Variants in ADAMTS18 observed in about 807,000 individuals in gnomAD.
ADAMTS18 encodes the protein A disintegrin and metalloproteinase with thrombospondin motifs 18.
A neutral mutation model predicts 165.9 loss-of-function variants in ADAMTS18; 157 were observed. That is an observed-to-expected ratio of 0.95 (90% confidence interval 0.83 to 1.08). ADAMTS18 has a LOEUF of 1.08. ADAMTS18 is among the 50% of genes least tolerant of loss of function. The pLI is 0.00. For synonymous variants in ADAMTS18, 782 were observed against 578.2 expected, an observed-to-expected ratio of 1.35 and a Z score of -5.06; for missense variants, 2,040 against 1,534.0, an observed-to-expected ratio of 1.33 and a Z score of -5.51.
chr16:77,322,413 C>A lies in ADAMTS18; in HGVS notation c.2086G>T (p.Ala696Ser). ...CCATCTTTCACTTTGCCGGACATTG[C>A]AAAAAAAAATTCAAAGTTCTCAGCC... ...CKAENFEFFF[A>S]MSGKVKDGTP... is the part of the protein sequence containing the mutation. Residue 696 changes from alanine (A) to serine (S), a missense_variant, in exon 14 of 23, where the codon GCA (alanine) becomes TCA (serine). By Grantham distance (99) the Ala-to-Ser change is moderately conservative. Coordinates refer to ENST00000282849, the MANE Select transcript of ADAMTS18 (RefSeq NM_199355.4). 1.9e-6 allele frequency: 3 copies of A among 1,606,560 alleles called. No homozygotes were observed. Among genetic ancestry groups the A allele is most frequent in the Admixed American group, 3.3e-5 (2 of 59,730 alleles).
intron 3 of ADAMTS18, among the ~76,000 whole-genome samples, chr16:77,390,546 C>A (rs1020873827): frequency 1.3e-5 from 2 of 152,006 alleles, no homozygotes; most frequent in Admixed American, 6.6e-5. Context: ...AAAAATTAGC[C>A]GGGCATGGTG....
intron 3 of ADAMTS18, among the ~76,000 whole-genome samples, chr16:77,383,949 CTCAG>C (rs1232728345): frequency 6.6e-6 from 1 of 152,116 alleles, no homozygotes; most frequent in Non-Finnish European, 1.5e-5. Flanking sequence ...TTGTCATTTT[CTCAG>C]TCAGCCTTTT....
intron 3 of ADAMTS18, among the ~76,000 whole-genome samples, chr16:77,428,149 T>A (rs576166122): frequency 6.6e-6 from 1 of 152,264 alleles, no homozygotes; most frequent in Admixed American, 6.5e-5. Flanking sequence ...CACTGATATA[T>A]AAACTTCAGG....
intron 16 of ADAMTS18, among the ~76,000 whole-genome samples, chr16:77,305,456 T>G (rs2055664410): frequency 6.6e-6 from 1 of 152,172 alleles, no homozygotes; most frequent in Admixed American, 6.5e-5. Context: ...CAGTCATTGT[T>G]TGAAAAAATT....
At chr16:77,325,135 T>C (rs1377047594) in intron 13 of ADAMTS18, among the ~76,000 whole-genome samples, 1 of 152,208 alleles carries the variant, frequency 6.6e-6, no homozygotes, top group East Asian at 1.9e-4. Context: ...CTCTTTCCAT[T>C]CTACACATGG....
At chr16:77,382,219 G>C (rs1416755821) in intron 3 of ADAMTS18, among the ~76,000 whole-genome samples, 1 of 150,510 alleles carries the variant, frequency 6.6e-6, no homozygotes, top group African/African-American at 2.4e-5. Context: ...TTGTTTGTTT[G>C]TTTGTTTTTT....
intron 3 of ADAMTS18, among the ~76,000 whole-genome samples, chr16:77,383,376 T>G (rs1346337742): frequency 2.6e-5 from 4 of 152,134 alleles, no homozygotes; most frequent in African/African-American, 9.7e-5. Context: ...TTCTACCTCT[T>G]ATTTTTTCTT....
At chr16:77,392,898 T>C (rs970605045) in intron 3 of ADAMTS18, among the ~76,000 whole-genome samples, 55 of 152,152 alleles carry the variant, frequency 3.6e-4, no homozygotes, top group African/African-American at 1.3e-3. Flanking sequence ...TCCTTTTCTA[T>C]GCTGACTTGA....
At chr16:77,413,869 A>G (rs1358822389) in intron 3 of ADAMTS18, among the ~76,000 whole-genome samples, 1 of 152,044 alleles carries the variant, frequency 6.6e-6, no homozygotes, top group Non-Finnish European at 1.5e-5. Flanking sequence ...AATTAGAAGA[A>G]AATCAACATG....
intron 16 of ADAMTS18, among the ~76,000 whole-genome samples, chr16:77,308,781 A>T (rs2055727812): frequency 1.3e-5 from 2 of 152,208 alleles, no homozygotes; most frequent in Admixed American, 1.3e-4. Flanking sequence ...TGTCTACTTC[A>T]GATGAACTGT....
chr16:77,390,902 G>C (rs897185422), intron 3 of ADAMTS18, among the ~76,000 whole-genome samples: 6 of 152,130 alleles, frequency 3.9e-5, no homozygotes, highest in African/African-American at 1.4e-4. Flanking sequence ...CCACGTGGTT[G>C]GCAGCTACCA....
chr16:77,373,106 T>C (rs2056899311), intron 3 of ADAMTS18, among the ~76,000 whole-genome samples: 1 of 152,210 alleles, frequency 6.6e-6, no homozygotes, highest in Non-Finnish European at 1.5e-5. Context: ...AGTCTTCTCC[T>C]ATCAATTCAC....
At chr16:77,388,626 G>A (rs555079602) in intron 3 of ADAMTS18, among the ~76,000 whole-genome samples, 3 of 152,254 alleles carry the variant, frequency 2.0e-5, no homozygotes, top group Non-Finnish European at 2.9e-5. Flanking sequence ...GAGCACTGAA[G>A]GCATAAATAT....
intron 13 of ADAMTS18, among the ~76,000 whole-genome samples, chr16:77,325,167 C>A (rs1416580896): frequency 6.6e-6 from 1 of 152,112 alleles, no homozygotes; most frequent in Admixed American, 6.6e-5. Flanking sequence ...TCACATATAA[C>A]CCTGTTTCAA....
At chr16:77,293,516 T>C (rs900970694) in intron 19 of ADAMTS18, among the ~76,000 whole-genome samples, 2 of 151,884 alleles carry the variant, frequency 1.3e-5, no homozygotes, top group Non-Finnish European at 2.9e-5. Flanking sequence ...CACCATGTAC[T>C]ATTTAGATTT....
At chr16:77,408,426 A>T (rs1465073631) in intron 3 of ADAMTS18, among the ~76,000 whole-genome samples, 1 of 152,166 alleles carries the variant, frequency 6.6e-6, no homozygotes, top group Non-Finnish European at 1.5e-5. Context: ...CATTATTTGT[A>T]ATATCCCCAA....
rs191892074 is a variant in ADAMTS18 at position 77,303,950 on chromosome 16, A to G, written c.2533-3546T>C. Among the ~76,000 whole-genome samples the G allele has an allele frequency of 6.9e-3, 1,045 of 152,240 alleles. 8 individuals carry two copies. Among genetic ancestry groups the G allele is most frequent in the Admixed American group, 0.012 (179 of 15,292 alleles). ...GAGGCTGAGGCAGGAGAAGGGCGTGAACTCAGGAGGCGGAGCTTGCAGTGA... is the reference window on the plus strand; with the variant it reads ...GAGGCTGAGGCAGGAGAAGGGCGTGGACTCAGGAGGCGGAGCTTGCAGTGA... On this transcript the variant is annotated intron_variant, in intron 16 of 22. Coordinates refer to ENST00000282849, the MANE Select transcript of ADAMTS18 (RefSeq NM_199355.4).
At chr16:77,431,868 AT>A (rs2057744639) in intron 2 of ADAMTS18, 1 of 546,694 alleles carries the variant, frequency 1.8e-6, no homozygotes, top group African/African-American at 1.9e-5. Context: ...CTGTGGAAAA[AT>A]GTAACACCTC....
At chr16:77,376,761 T>C (rs957449259) in intron 3 of ADAMTS18, among the ~76,000 whole-genome samples, 1 of 152,234 alleles carries the variant, frequency 6.6e-6, no homozygotes, top group African/African-American at 2.4e-5. Context: ...AAGTGTTTTA[T>C]TTGTGAACAG....
Sources: allele counts gnomAD v4.1 joint callset (sites outside exome capture counted in the v4.1 genomes callset), GRCh38; gene constraint gnomAD v4.1.1; transcripts MANE v1.5; gene names NCBI Gene and HGNC (gene_info 2026-07-23, HGNC 2026-07-21).